MRE11: variants seen among roughly 807,000 people sequenced by gnomAD.
MRE11 encodes the protein double-strand break repair protein MRE11.
In MRE11, 62 loss-of-function variants were observed where a neutral mutation model predicts 91.7. The ratio of observed to expected loss-of-function variants is 0.68; its 90% CI spans 0.55 to 0.84. MRE11 has a LOEUF of 0.84. Ranked by LOEUF, MRE11 falls within the 40% of genes least tolerant of loss-of-function variation. The pLI, the probability that MRE11 is intolerant of heterozygous loss-of-function variation, is 0.00. For missense variants in MRE11, 796 were observed against 852.9 expected (o/e 0.93, Z 0.83); for synonymous variants, 273 against 271.4 (o/e 1.01, Z -0.06).
At chr11:94,432,828 G>A (rs551789979) in intron 18 of MRE11, among the ~76,000 whole-genome samples, 35 of 152,104 alleles carry the variant, frequency 2.3e-4, no homozygotes, top group African/African-American at 4.1e-4. Flanking sequence ...AAAACAAAAC[G>A]AAACAAAACA....
At position 94,479,088 on chromosome 11, in the gene MRE11, G is replaced by T. The variant is rs12281066; in HGVS notation, c.403-212C>A. Among the ~76,000 whole-genome samples the T allele has an allele frequency of 4.5e-3, 685 of 152,224 alleles. 8 individuals carry two copies. Among genetic ancestry groups the T allele is most frequent in the African/African-American group, 0.016 (656 of 41,534 alleles). The stretch of plus-strand genomic sequence containing the variant: ...ACAGCAACTGGAATCACATGCCAAA[G>T]GCAAGGTTAATATCTCATCAAAACT... On this transcript the variant is annotated intron_variant, in intron 5 of 19. Coordinates refer to ENST00000323929, the MANE Select transcript of MRE11 (RefSeq NM_005591.4).
chr11:94,465,342 T>C (rs1275289599), intron 10 of MRE11, among the ~76,000 whole-genome samples: 2 of 152,020 alleles, frequency 1.3e-5, no homozygotes, highest in African/African-American at 4.8e-5. Context: ...GAGAACTATG[T>C]GATTCCCTTA....
chr11:94,488,648 T>C (rs972963872), intron 3 of MRE11, among the ~76,000 whole-genome samples: 11 of 152,190 alleles, frequency 7.2e-5, no homozygotes, highest in African/African-American at 2.4e-4. Context: ...TAATGTCCTT[T>C]GCAGGGACAC....
At chr11:94,426,564 G>A (rs1050752482) in intron 19 of MRE11, among the ~76,000 whole-genome samples, 1 of 151,274 alleles carries the variant, frequency 6.6e-6, no homozygotes, top group Admixed American at 6.6e-5. Flanking sequence ...AATTAGAGAA[G>A]AACTGAACAA....
At chr11:94,450,729 C>T (rs1330410141) in intron 14 of MRE11, among the ~76,000 whole-genome samples, 4 of 152,004 alleles carry the variant, frequency 2.6e-5, no homozygotes, top group Admixed American at 2.6e-4. Flanking sequence ...ATAAGAAAGC[C>T]TATAGCCTGC....
chr11:94,460,784 C>A, intron 12 of MRE11, 152 bp downstream of exon 12: 1 of 695,988 alleles, frequency 1.4e-6, no homozygotes, highest in Non-Finnish European at 2.5e-6. Context: ...TGTGCAGCAA[C>A]TGCAAATGAA....
At chr11:94,435,113 G>A (rs1300736124) in intron 18 of MRE11, among the ~76,000 whole-genome samples, 9 of 152,232 alleles carry the variant, frequency 5.9e-5, no homozygotes, top group Non-Finnish European at 8.8e-5. Flanking sequence ...GGCAGACTGA[G>A]TCTACGTGAT....
rs1565226205 is a variant in MRE11 at position 94,467,827 on chromosome 11, G to C, written c.1084C>G (p.Leu362Val). Residue 362 changes from leucine to valine, a missense_variant, in exon 10 of 20, where the codon CTT (leucine) becomes GTT (valine). Leu to Val is a conservative substitution (Grantham distance 32). Transcript: ENST00000323929. Reference protein sequence around the residue: ...LGNSHQPEKPLVRLRVDYSGG... With the variant: ...LGNSHQPEKPVVRLRVDYSGG... Reference sequence around the variant, plus strand: ...ATAGGACTTACTCGCAGTCGTACAAGAGGCTTCTCTGGCTGGTGAGAATTA... The same window carrying C: ...ATAGGACTTACTCGCAGTCGTACAACAGGCTTCTCTGGCTGGTGAGAATTA... 6.2e-7 allele frequency: 1 copy of C among 1,612,996 alleles called. No individual in the cohort carries two copies. Among genetic ancestry groups the C allele is most frequent in the Non-Finnish European group, 8.5e-7 (1 of 1,179,238 alleles).
In MRE11 at chr11:94,456,285, TTCA is replaced by T; in HGVS notation, c.1551_1553del (p.Asp517del). The T allele has an allele frequency of 6.2e-7, 1 of 1,613,400 alleles. No individual in the cohort carries two copies. The highest frequency in any genetic ancestry group is 8.5e-7 in the Non-Finnish European group (1 of 1,179,748). Reference sequence around the variant, plus strand: ...GCAGCAGAATAATTACCTCACGGACTTCATCATCTTCTTCATTAGTATTTTTTT... The same window carrying T: ...GCAGCAGAATAATTACCTCACGGACTTCATCTTCTTCATTAGTATTTTTTT... On this transcript the variant is annotated inframe_deletion, in exon 14 of 20. Transcript: ENST00000323929.
chr11:94,512,259 C>T, the MRE11 span, among the ~76,000 whole-genome samples: 107 of 152,322 alleles, frequency 7.0e-4, no homozygotes, highest in South Asian at 1.4e-3. Context: ...ATAGTAAAGC[C>T]TCTCTTGCCG....
Position 94,419,551 on chromosome 11 carries a change from A to G in MRE11, c.*574T>C, listed in dbSNP as rs1945116020. ...AATTACTACCACTTAATGGGAACACAATCTTTTGAAATCTTTGCTACAACT... is the reference window on the plus strand; with the variant it reads ...AATTACTACCACTTAATGGGAACACGATCTTTTGAAATCTTTGCTACAACT... On this transcript the variant is annotated 3_prime_UTR_variant, in exon 20 of 20. Transcript: ENST00000323929. 8.6e-6 allele frequency: 2 copies of G among 232,866 alleles called. No homozygotes were observed. The highest frequency in any genetic ancestry group is 5.6e-5 in the Admixed American group (1 of 17,726). 14.4% of individuals were successfully genotyped at this position (232,866 alleles called of 1,614,324 possible). A position where few individuals can be genotyped will look rare whatever the true frequency, so the allele number is the denominator to read the frequency against.
upstream of MRE11, among the ~76,000 whole-genome samples, chr11:94,495,884 T>C (rs1947412102): frequency 6.6e-6 from 1 of 152,218 alleles, no homozygotes; most frequent in Non-Finnish European, 1.5e-5. Context: ...ACATGGATCT[T>C]GCTCATTATT....
At chr11:94,449,939 A>T (rs1387867196) in intron 14 of MRE11, among the ~76,000 whole-genome samples, 1 of 152,216 alleles carries the variant, frequency 6.6e-6, no homozygotes, top group East Asian at 1.9e-4. Flanking sequence ...TATGTGGCAC[A>T]TGACTACATA....
chr11:94,471,879 A>G, intron 7 of MRE11, 120 bp from the exon 8 acceptor site: 1 of 789,874 alleles, frequency 1.3e-6, no homozygotes, highest in Non-Finnish European at 2.0e-6. Flanking sequence ...TCTATGTACC[A>G]GAAAGTGTGC....
In MRE11 at chr11:94,470,649, T is replaced by C. The variant is rs758200451; in HGVS notation, c.846-7A>G. 5.0e-6 allele frequency: 8 copies of C among 1,612,680 alleles called. No individual in the cohort carries two copies. The highest frequency in any genetic ancestry group is 1.7e-4 in the Middle Eastern group (1 of 6,046). ...ACGCAGCAAACCAACATGTCTGAAG[T>C]GGAGAGAAATGAACACCGAGTCACA... On this transcript the variant is annotated splice_polypyrimidine_tract_variant and splice_region_variant and intron_variant, in intron 8 of 19. Transcript: ENST00000323929.
chr11:94,417,467 T>G lies in MRE11; in HGVS notation c.*2658A>C, dbSNP rs566334031. 2.1e-5 allele frequency: 5 copies of G among 232,924 alleles called. No homozygotes were observed. Among genetic ancestry groups the G allele is most frequent in the African/African-American group, 1.1e-4 (5 of 45,358 alleles). The allele number at this position is 232,924 out of a possible 1,614,324, so 14.4% of individuals were successfully genotyped here. A position where few individuals can be genotyped will look rare whatever the true frequency, so the allele number is the denominator to read the frequency against. On this transcript the variant is annotated 3_prime_UTR_variant, in exon 20 of 20. Coordinates refer to ENST00000323929, the MANE Select transcript of MRE11 (RefSeq NM_005591.4). ...ATTAGAAGGCTAATTATGGTATTACTGCATAGGTTTAGTATTAATGCATAT... is the reference window on the plus strand; with the variant it reads ...ATTAGAAGGCTAATTATGGTATTACGGCATAGGTTTAGTATTAATGCATAT...
upstream of MRE11, chr11:94,498,009 T>G: frequency 5.4e-6 from 7 of 1,285,346 alleles, no homozygotes; most frequent in Middle Eastern, 2.6e-4. Flanking sequence ...CACAAGACAA[T>G]TTTGTTTTAG....
the MRE11 span, among the ~76,000 whole-genome samples, chr11:94,504,842 A>T: frequency 6.6e-6 from 1 of 152,154 alleles, no homozygotes; most frequent in Non-Finnish European, 1.5e-5. Context: ...CGAATGTGTA[A>T]CTTTTTATAA....
chr11:94,425,471 G>A (rs568294617), intron 19 of MRE11, among the ~76,000 whole-genome samples: 7 of 152,244 alleles, frequency 4.6e-5, no homozygotes, highest in African/African-American at 1.7e-4. Context: ...CTAACAATAC[G>A]ATGGCAGGAT....
Sources: gnomAD v4.1 joint callset for allele counts (sites outside exome capture counted in the v4.1 genomes callset) on GRCh38, gnomAD v4.1.1 for gene constraint, MANE v1.5 for transcripts, NCBI Gene and HGNC (gene_info 2026-07-23, HGNC 2026-07-21) for gene names.